The following GLIPR1L1 variants were observed in gnomAD, a reference collection of about 807,000 sequenced individuals.
GLIPR1L1 encodes GLIPR1 like 1.
In GLIPR1L1, 26 loss-of-function variants were observed where a neutral mutation model predicts 29.9. The observed-to-expected ratio is 0.87, with a 90% CI of 0.64 to 1.21. GLIPR1L1 has a LOEUF of 1.21. Among genes scored for constraint, GLIPR1L1 ranks in the 50% most tolerant of loss-of-function variants. The pLI is 0.00. For synonymous variants in GLIPR1L1, 77 were observed against 97.5 expected, an observed-to-expected ratio of 0.79 and a Z score of 1.24; for missense variants, 305 against 290.3, an observed-to-expected ratio of 1.05 and a Z score of -0.37.
chr12:75,357,606 G>A (rs941130543), intron 3 of GLIPR1L1, among the ~76,000 whole-genome samples: 19 of 151,992 alleles, frequency 1.3e-4, no homozygotes, highest in Non-Finnish European at 2.4e-4. Flanking sequence ...CACATGCTAT[G>A]TCATAAAACA....
intron 1 of GLIPR1L1, among the ~76,000 whole-genome samples, chr12:75,341,178 C>A (rs1451474896): frequency 6.6e-6 from 1 of 152,108 alleles, no homozygotes; most frequent in Non-Finnish European, 1.5e-5. Flanking sequence ...TGGATACTCC[C>A]GATTCAATGC....
At position 75,370,138 on chromosome 12, in the gene GLIPR1L1, C is replaced by A. The variant is rs750054991; in HGVS notation, c.691C>A (p.Pro231Thr). The A allele has an allele frequency of 6.2e-7, 1 of 1,603,354 alleles. No homozygotes were observed. Among genetic ancestry groups the A allele is most frequent in the South Asian group, 1.1e-5 (1 of 90,724 alleles). ...AGCACCTCAGCAGACAGCCTTTAAT[C>A]CATTCAGCTTAGGTTTTCTTCTTCT... ...GRAPQQTAFN[P>T]FSLGFLLLRI... is the part of the protein sequence containing the mutation. Residue 231 changes from proline (P) to threonine (T), a missense_variant, in exon 6 of 6, where the codon CCA (proline) becomes ACA (threonine). By Grantham distance (38) the Pro-to-Thr change is conservative. Transcript: ENST00000378695.
rs1452734463 is a variant in GLIPR1L1, at chr12:75,334,784, C to A, written c.56C>A (p.Ala19Asp). Reference sequence around the variant, plus strand: ...TGGATCTTGGGTCTGTGTTTGGTAGCCACTACATCTTCCAAAATCCCATCC... The same window carrying A: ...TGGATCTTGGGTCTGTGTTTGGTAGACACTACATCTTCCAAAATCCCATCC... Reference protein sequence around the residue: ...CLWILGLCLVATTSSKIPSIT... With the variant: ...CLWILGLCLVDTTSSKIPSIT... Residue 19 changes from alanine (A) to aspartate (D), a missense_variant, in exon 1 of 6, where the codon GCC (alanine) becomes GAC (aspartate). Physicochemically the swap from Ala to Asp is moderately radical, Grantham distance 126 (BLOSUM62 -2). Transcript: ENST00000378695. The A allele has an allele frequency of 1.2e-6, 2 of 1,613,928 alleles. No individual in the cohort carries two copies. Among genetic ancestry groups the A allele is most frequent in the Non-Finnish European group, 1.7e-6 (2 of 1,179,952 alleles).
At chr12:75,356,929 G>A (rs755191898) in intron 3 of GLIPR1L1, among the ~76,000 whole-genome samples, 4 of 152,090 alleles carry the variant, frequency 2.6e-5, no homozygotes, top group Non-Finnish European at 5.9e-5. Context: ...CAGCAGACAC[G>A]TAATCCCAAC....
At chr12:75,342,365 T>C (rs1459009444) in intron 1 of GLIPR1L1, among the ~76,000 whole-genome samples, 1 of 152,180 alleles carries the variant, frequency 6.6e-6, no homozygotes, top group African/African-American at 2.4e-5. Context: ...CAAAAAACAT[T>C]ACCATTGGGA....
At chr12:75,338,388 G>A (rs953855931) in intron 1 of GLIPR1L1, among the ~76,000 whole-genome samples, 1 of 152,002 alleles carries the variant, frequency 6.6e-6, no homozygotes, top group Non-Finnish European at 1.5e-5. Context: ...TGGATTGGGG[G>A]AATTTAATTG....
At chr12:75,363,056 A>G in intron 3 of GLIPR1L1, 46 bp from the exon 4 acceptor site, 1 of 996,624 alleles carries the variant, frequency 1.0e-6, no homozygotes, top group Non-Finnish European at 1.5e-6. Flanking sequence ...ACAAAATTGG[A>G]GAAATTAACA....
chr12:75,367,780 A>G (rs974481833), intron 4 of GLIPR1L1, among the ~76,000 whole-genome samples: 2 of 152,026 alleles, frequency 1.3e-5, no homozygotes, highest in Non-Finnish European at 2.9e-5. Context: ...TCTAATCTTT[A>G]TATTATTTAT....
chr12:75,349,047 G>C lies in GLIPR1L1; in HGVS notation c.521+1325G>C, dbSNP rs866090884. Among the ~76,000 whole-genome samples, 10 of 152,294 alleles carry C rather than the reference G, an allele frequency of 6.6e-5. No individual in the cohort carries two copies. The South Asian group carries it at 1.7e-3, about 25-fold the overall frequency. On this transcript the variant is annotated intron_variant, in intron 3 of 5. Transcript: ENST00000378695. ...CAATACAGCTAGAGTTCACGGAAAA[G>C]AGTACCAGAGAAAAGAGAACTACAC...
At chr12:75,362,471 A>G (rs1241689922) in intron 3 of GLIPR1L1, among the ~76,000 whole-genome samples, 1 of 152,194 alleles carries the variant, frequency 6.6e-6, no homozygotes, top group African/African-American at 2.4e-5. Context: ...TAGTGACCAA[A>G]AACTTGACCA....
chr12:75,350,773 G>C (rs1258483048), intron 3 of GLIPR1L1, among the ~76,000 whole-genome samples: 3 of 152,174 alleles, frequency 2.0e-5, no homozygotes, highest in Non-Finnish European at 2.9e-5. Flanking sequence ...AACTCAAAAA[G>C]CCAGAGTGTC....
intron 1 of GLIPR1L1, among the ~76,000 whole-genome samples, chr12:75,341,692 C>G (rs1454612144): frequency 6.6e-6 from 1 of 151,710 alleles, no homozygotes; most frequent in African/African-American, 2.4e-5. Flanking sequence ...GTGATCCGCC[C>G]GCATCGGCCG....
At chr12:75,355,529 T>C (rs937790808) in intron 3 of GLIPR1L1, among the ~76,000 whole-genome samples, 2 of 152,186 alleles carry the variant, frequency 1.3e-5, no homozygotes, top group African/African-American at 4.8e-5. Context: ...GGTGGGAATG[T>C]ACACTCCACA....
At chr12:75,366,762 C>T (rs973759775) in intron 4 of GLIPR1L1, 15 of 639,958 alleles carry the variant, frequency 2.3e-5, no homozygotes, top group African/African-American at 1.1e-4. Flanking sequence ...GTCATTTCCA[C>T]GCTCTTATGT....
In GLIPR1L1 at chr12:75,343,723, A is replaced by T; in HGVS notation, c.205A>T (p.Lys69Ter). The change falls in exon 2 of 6, where the codon AAA becomes TAA. Residue 69 changes from lysine (K) to a stop codon, truncating the protein, a stop_gained. Transcript: ENST00000378695. LOFTEE classifies it high-confidence loss of function. ...GGATAAAGGTTTAGCAAAGATGGCT[A>T]AAGCATGGGCAAACCAGTGCAAATT... ...IWDKGLAKMAKAWANQCKFEH... is the reference protein window; with the variant it reads ...IWDKGLAKMA 2 of 1,611,668 alleles carry T rather than the reference A, an allele frequency of 1.2e-6. No individual in the cohort carries two copies. The highest frequency in any genetic ancestry group is 1.7e-6 in the Non-Finnish European group (2 of 1,178,366).
intron 1 of GLIPR1L1, among the ~76,000 whole-genome samples, chr12:75,343,346 T>C (rs1196263140): frequency 1.3e-5 from 2 of 152,056 alleles, no homozygotes; most frequent in Non-Finnish European, 2.9e-5. Context: ...TCAATGAGTA[T>C]TCATCCTTTA....
rs750000060 is a variant in GLIPR1L1 at position 75,334,842 on chromosome 12, A to T, written c.114A>T (p.Ile38=). 1 of 1,614,084 alleles carries T rather than the reference A, an allele frequency of 6.2e-7. No individual in the cohort carries two copies. The highest frequency in any genetic ancestry group is 1.3e-5 in the African/African-American group (1 of 74,928). ...ITDPHFIDNC[I]EAHNEWRGKV... is the part of the protein sequence containing the mutation. The stretch of plus-strand genomic sequence containing the variant: ...ACCCACACTTTATAGACAACTGCAT[A>T]GAAGCCCACAACGAATGGCGTGGCA... The change falls in exon 1 of 6, where the codon ATA becomes ATT. Residue 38 remains isoleucine, a synonymous_variant. Transcript: ENST00000378695.
In GLIPR1L1 at chr12:75,355,935, G is replaced by A. The variant is rs936956842; in HGVS notation, c.522-7167G>A. 1.4e-4 allele frequency among the ~76,000 whole-genome samples: 22 copies of A among 152,080 alleles called. 1 individual carries two copies. Among genetic ancestry groups the A allele is most frequent in the Admixed American group, 9.8e-4 (15 of 15,246 alleles). ...CAAATGGGAGCTGAACAATGGGAACGCTTGGCCACACAAAGGGTAACAACA... is the reference window on the plus strand; with the variant it reads ...CAAATGGGAGCTGAACAATGGGAACACTTGGCCACACAAAGGGTAACAACA... On this transcript the variant is annotated intron_variant, in intron 3 of 5. Transcript: ENST00000378695.
chr12:75,347,517 T>TAC (rs2042533477), intron 2 of GLIPR1L1, 105 bp from the exon 3 acceptor site: 1 of 593,630 alleles, frequency 1.7e-6, no homozygotes, highest in Non-Finnish European at 3.0e-6. Context: ...AATATTTATG[T>TAC]ACATTATTTT....
Sources: gnomAD v4.1 joint callset for allele counts (sites outside exome capture counted in the v4.1 genomes callset) on GRCh38, gnomAD v4.1.1 for gene constraint, MANE v1.5 for transcripts, NCBI Gene and HGNC (gene_info 2026-07-23, HGNC 2026-07-21) for gene names.